Variants in NSUN3 observed in about 807,000 individuals in gnomAD.
NSUN3 encodes NOP2/Sun RNA methyltransferase 3.
Under a neutral mutation model 36.8 loss-of-function variants are expected in NSUN3, and 24 were observed. The ratio of observed to expected loss-of-function variants is 0.65; its 90% CI spans 0.47 to 0.92. NSUN3 has a LOEUF of 0.92. NSUN3 is among the 40% of genes least tolerant of loss of function. The pLI is 0.00. For missense variants in NSUN3, 381 were observed against 392.8 expected (o/e 0.97, Z 0.25); for synonymous variants, 146 against 145.2 (o/e 1.01, Z -0.04).
At chr3:94,073,173 G>A (rs1307756476) in intron 2 of NSUN3, among the ~76,000 whole-genome samples, 3 of 152,210 alleles carry the variant, frequency 2.0e-5, no homozygotes, top group East Asian at 1.9e-4. Context: ...TGGGGTATAT[G>A]TGACACATTT....
At chr3:94,100,933 A>C (rs1398222321) in intron 5 of NSUN3, among the ~76,000 whole-genome samples, 1 of 152,122 alleles carries the variant, frequency 6.6e-6, no homozygotes, top group Non-Finnish European at 1.5e-5. Flanking sequence ...CATTTTTATG[A>C]AAATTAATGT....
chr3:94,076,918 T>C (rs1243824101), intron 2 of NSUN3: 10 of 1,220,564 alleles, frequency 8.2e-6, no homozygotes, highest in Admixed American at 5.0e-5. Flanking sequence ...CATTAGGGAG[T>C]TGCACACTGG....
In NSUN3 at chr3:94,127,693, AAAC is replaced by A. The variant is rs1438739964; in HGVS notation, c.*1207_*1209del. 1 of 152,254 alleles carries A rather than the reference AAAC, an allele frequency of 6.6e-6. No homozygotes were observed. The highest frequency in any genetic ancestry group is 1.5e-5 in the Non-Finnish European group (1 of 68,044). 9.4% of individuals were successfully genotyped at this position (152,254 alleles called of 1,614,324 possible). A position where few individuals can be genotyped will look rare whatever the true frequency, so the allele number is the denominator to read the frequency against. On this transcript the variant is annotated 3_prime_UTR_variant, in exon 6 of 6. Transcript: ENST00000314622. ...TCTTTGGAAAATAGCCTTTAAAAAA[AAAC>A]AACTTTATCTGATTATAGAAATACA... is the stretch of plus-strand genomic sequence containing the variant.
chr3:94,076,363 G>A, intron 2 of NSUN3: 1 of 816,698 alleles, frequency 1.2e-6, no homozygotes, highest in Non-Finnish European at 2.2e-6. Context: ...CTTCAGCAGT[G>A]TGAGCGTCAA....
intron 2 of NSUN3, among the ~76,000 whole-genome samples, chr3:94,069,207 A>C (rs1277845355): frequency 2.0e-5 from 3 of 152,220 alleles, no homozygotes; most frequent in South Asian, 2.1e-4. Context: ...AGGATTTCCT[A>C]TCTGAGGTAC....
intron 5 of NSUN3, among the ~76,000 whole-genome samples, chr3:94,118,658 T>C (rs1212295193): frequency 1.3e-5 from 2 of 152,100 alleles, no homozygotes; most frequent in East Asian, 3.8e-4. Context: ...AAATGGATGT[T>C]GCTTGGCTGG....
At chr3:94,107,725 A>C (rs901357797) in intron 5 of NSUN3, among the ~76,000 whole-genome samples, 2 of 152,114 alleles carry the variant, frequency 1.3e-5, no homozygotes, top group African/African-American at 2.4e-5. Flanking sequence ...TAAATGTCTT[A>C]ATGGTATTTT....
intron 5 of NSUN3, among the ~76,000 whole-genome samples, chr3:94,096,455 C>A (rs980723465): frequency 6.6e-6 from 1 of 152,062 alleles, no homozygotes; most frequent in East Asian, 1.9e-4. Flanking sequence ...AATCATTTTT[C>A]TCACCTAAGC....
intron 2 of NSUN3, among the ~76,000 whole-genome samples, chr3:94,073,113 C>T (rs758453896): frequency 6.6e-6 from 1 of 152,162 alleles, no homozygotes; most frequent in Non-Finnish European, 1.5e-5. Context: ...TCATCCATGT[C>T]CCCGCGAAGG....
intron 5 of NSUN3, among the ~76,000 whole-genome samples, chr3:94,120,716 G>T (rs1295071952): frequency 6.6e-5 from 10 of 152,138 alleles, no homozygotes; most frequent in Admixed American, 6.6e-4. Context: ...TGGCCATTGT[G>T]AATAATGCTA....
intron 3 of NSUN3, among the ~76,000 whole-genome samples, chr3:94,092,829 A>G (rs1399185350): frequency 6.7e-6 from 1 of 148,540 alleles, no homozygotes; most frequent in Non-Finnish European, 1.5e-5. Context: ...CTGAGGCAGG[A>G]GAATCGCTTG....
intron 2 of NSUN3, among the ~76,000 whole-genome samples, chr3:94,075,586 G>T (rs1057475372): frequency 2.0e-5 from 3 of 152,086 alleles, no homozygotes; most frequent in African/African-American, 2.4e-5. Context: ...ACTTAAATGA[G>T]TCTGAAAAAC....
chr3:94,074,779 A>G (rs558987015), intron 2 of NSUN3, among the ~76,000 whole-genome samples: 114 of 152,270 alleles, frequency 7.5e-4, no homozygotes, highest in African/African-American at 2.7e-3. Context: ...CTCTCTTCCT[A>G]TTTGAATACC....
chr3:94,087,548 A>C (rs2077296922), intron 3 of NSUN3, among the ~76,000 whole-genome samples: 1 of 152,226 alleles, frequency 6.6e-6, no homozygotes, highest in African/African-American at 2.4e-5. Flanking sequence ...AACAATATGG[A>C]TTCTAAATGG....
chr3:94,108,220 C>CT (rs1349744810), intron 5 of NSUN3, among the ~76,000 whole-genome samples: 2 of 151,988 alleles, frequency 1.3e-5, no homozygotes, highest in Non-Finnish European at 2.9e-5. Context: ...TATTATTATA[C>CT]TTTAAGTTCT....
chr3:94,123,186 C>T (rs190072920), intron 5 of NSUN3, among the ~76,000 whole-genome samples: 1 of 152,278 alleles, frequency 6.6e-6, no homozygotes, highest in Non-Finnish European at 1.5e-5. Context: ...TTTTTCCAGA[C>T]TGCAGTAGTT....
At chr3:94,100,055 G>A (rs2077358770) in intron 5 of NSUN3, among the ~76,000 whole-genome samples, 1 of 152,164 alleles carries the variant, frequency 6.6e-6, no homozygotes, top group East Asian at 1.9e-4. Flanking sequence ...ATTGATTGCA[G>A]ATCCTTATTT....
chr3:94,063,693 C>G (rs2077191362), intron 1 of NSUN3: 1 of 153,062 alleles, frequency 6.5e-6, no homozygotes, highest in African/African-American at 2.4e-5. Flanking sequence ...TCATAGCTCA[C>G]TGTAACCTTG....
intron 5 of NSUN3, 73 bp downstream of exon 5, chr3:94,095,227 G>T: frequency 6.9e-7 from 1 of 1,450,160 alleles, no homozygotes; most frequent in Admixed American, 1.8e-5. Flanking sequence ...AACATGTCAG[G>T]CCCCCAGTGG....
Sources: gnomAD v4.1 joint callset for allele counts (sites outside exome capture counted in the v4.1 genomes callset) on GRCh38, gnomAD v4.1.1 for gene constraint, MANE v1.5 for transcripts, NCBI Gene and HGNC (gene_info 2026-07-23, HGNC 2026-07-21) for gene names.